The following PBLD variants were observed in gnomAD, a reference collection of about 807,000 sequenced individuals.
PBLD encodes phenazine biosynthesis-like domain-containing protein.
In PBLD, 26 loss-of-function variants were observed where a neutral mutation model predicts 31.3. The ratio of observed to expected loss-of-function variants is 0.83; its 90% CI spans 0.61 to 1.15. The LOEUF (loss-of-function observed/expected upper bound fraction) is 1.15. PBLD is among the 50% of genes most tolerant of loss of function. PBLD has a pLI of 0.00. For synonymous variants in PBLD, 114 were observed against 129.0 expected, an observed-to-expected ratio of 0.88 and a Z score of 0.79; for missense variants, 307 against 351.7, an observed-to-expected ratio of 0.87 and a Z score of 1.02.
At chr10:68,305,876 A>G (rs1435802489) in intron 2 of PBLD, among the ~76,000 whole-genome samples, 1 of 152,206 alleles carries the variant, frequency 6.6e-6, no homozygotes, top group Admixed American at 6.6e-5. Context: ...AGCCAGGTTG[A>G]GATTCACTGT....
chr10:68,305,658 G>A (rs958665037), intron 2 of PBLD, among the ~76,000 whole-genome samples: 3 of 152,064 alleles, frequency 2.0e-5, no homozygotes, highest in Non-Finnish European at 2.9e-5. Flanking sequence ...GGGAGATTAA[G>A]GCAAGAGAAT....
At position 68,292,124 on chromosome 10, in the gene PBLD, C is replaced by G. The variant is rs756394735; in HGVS notation, c.393+5G>C. The G allele has an allele frequency of 6.2e-7, 1 of 1,611,534 alleles. No individual in the cohort carries two copies. The highest frequency in any genetic ancestry group is 2.2e-5 in the East Asian group (1 of 44,852). ...GGCTTAGGGCAATAATTACAAAGAG[C>G]TGACCTGGGGGTGGGCTGGATAAAG... On this transcript the variant is annotated splice_donor_5th_base_variant and intron_variant, in intron 5 of 9. Coordinates refer to ENST00000358769, the MANE Select transcript of PBLD (RefSeq NM_022129.4).
intron 2 of PBLD, among the ~76,000 whole-genome samples, chr10:68,304,340 C>T (rs907340926): frequency 2.6e-5 from 4 of 152,148 alleles, no homozygotes; most frequent in Non-Finnish European, 4.4e-5. Flanking sequence ...TCTGACAGGC[C>T]GTGAAATTTT....
chr10:68,289,553 A>G (rs77221173), intron 6 of PBLD, among the ~76,000 whole-genome samples: 6,259 of 152,098 alleles, frequency 0.041, 200 homozygotes, highest in East Asian at 0.18. Flanking sequence ...CAAAAAAGAA[A>G]AAAAACATAG....
chr10:68,288,700 C>T, intron 7 of PBLD, 39 bp from the exon 8 acceptor site: 1 of 1,594,558 alleles, frequency 6.3e-7, no homozygotes, highest in Non-Finnish European at 8.6e-7. Flanking sequence ...AAACCCATTT[C>T]ACAGCCCACT....
At chr10:68,294,830 C>T (rs767702100) in intron 4 of PBLD, among the ~76,000 whole-genome samples, 8 of 152,306 alleles carry the variant, frequency 5.3e-5, no homozygotes, top group Non-Finnish European at 1.2e-4. Flanking sequence ...CAGGTTCAAG[C>T]GATTCTCCTG....
intron 6 of PBLD, among the ~76,000 whole-genome samples, chr10:68,290,275 G>A (rs928259792): frequency 1.3e-5 from 2 of 152,168 alleles, no homozygotes; most frequent in Non-Finnish European, 2.9e-5. Flanking sequence ...TCTGCCTTGG[G>A]TGGTACTTGG....
At position 68,283,901 on chromosome 10, in the gene PBLD, CA is replaced by C. The variant is rs2044256355; in HGVS notation, c.*275del. ...AGCTGGAATTACAGGCATGTGGCAC[CA>C]CACCCAGCTAATTTTTGTATTTGTA... On this transcript the variant is annotated 3_prime_UTR_variant, in exon 10 of 10. Coordinates refer to ENST00000358769, the MANE Select transcript of PBLD (RefSeq NM_022129.4). 1 of 277,668 alleles carries C rather than the reference CA, an allele frequency of 3.6e-6. No individual in the cohort carries two copies. The highest frequency in any genetic ancestry group is 9.0e-5 in the East Asian group (1 of 11,102). The allele number at this position is 277,668 out of a possible 1,614,324, so 17.2% of individuals were successfully genotyped here.
chr10:68,316,110 G>T (rs752453398), intron 1 of PBLD, among the ~76,000 whole-genome samples: 1 of 152,014 alleles, frequency 6.6e-6, no homozygotes, highest in Non-Finnish European at 1.5e-5. Flanking sequence ...ACCATACAAA[G>T]AATAAAGAGT....
intron 2 of PBLD, among the ~76,000 whole-genome samples, chr10:68,299,413 A>G (rs979626080): frequency 2.0e-5 from 3 of 152,196 alleles, no homozygotes. Context: ...TAATAAATTC[A>G]TAATTCACTT....
At chr10:68,299,969 C>T (rs7903251) in intron 2 of PBLD, among the ~76,000 whole-genome samples, 119,731 of 151,968 alleles carry the variant, frequency 0.79, 47,792 homozygotes, top group Non-Finnish European at 0.86. Context: ...CAGCTCACTG[C>T]GATCTATGCC....
chr10:68,302,864 AT>A (rs144610874), intron 2 of PBLD, among the ~76,000 whole-genome samples: 47,295 of 145,212 alleles, frequency 0.33, 8,833 homozygotes, highest in East Asian at 0.56. Flanking sequence ...AAAAATTAGA[AT>A]TTAAAAAAAA....
intron 1 of PBLD, among the ~76,000 whole-genome samples, chr10:68,316,028 A>G (rs557346129): frequency 1.3e-5 from 2 of 152,320 alleles, no homozygotes. Flanking sequence ...TTCCAGAGGT[A>G]CCACAGTATA....
chr10:68,308,804 A>C (rs2044617266), intron 1 of PBLD, among the ~76,000 whole-genome samples: 1 of 147,392 alleles, frequency 6.8e-6, no homozygotes, highest in Non-Finnish European at 1.5e-5. Flanking sequence ...CCTCCCAAAG[A>C]GCTGGGATTG....
At chr10:68,324,727 G>C (rs2044888736) in intron 1 of PBLD, among the ~76,000 whole-genome samples, 1 of 151,786 alleles carries the variant, frequency 6.6e-6, no homozygotes, top group Non-Finnish European at 1.5e-5. Flanking sequence ...CGATTCTCCT[G>C]CCTCAGCCTC....
intron 6 of PBLD, 38 bp downstream of exon 6, chr10:68,291,972 A>T (rs765901285): frequency 1.1e-4 from 162 of 1,537,262 alleles, no homozygotes; most frequent in Non-Finnish European, 1.4e-4. Flanking sequence ...GCAAACAATA[A>T]CAAATAACTA....
chr10:68,306,827 G>A lies in PBLD; in HGVS notation c.18C>T (p.Phe6=). 1 of 1,608,828 alleles carries A rather than the reference G, an allele frequency of 6.2e-7. No homozygotes were observed. Among genetic ancestry groups the A allele is most frequent in the South Asian group, 1.1e-5 (1 of 90,398 alleles). ...CTCTTGCTGTGAATGCATCTGCTAT[G>A]AAAATAGGAAGCTTCATTTTCCTTG... is the stretch of plus-strand genomic sequence containing the variant. MKLPI[F]IADAFTARAF... is the part of the protein sequence containing the mutation. Residue 6 remains phenylalanine (F), a synonymous_variant, in exon 2 of 10, where the codon TTC becomes TTT. Transcript: ENST00000358769.
chr10:68,300,042 C>A (rs2044484911), intron 2 of PBLD, among the ~76,000 whole-genome samples: 1 of 151,984 alleles, frequency 6.6e-6, no homozygotes, highest in African/African-American at 2.4e-5. Flanking sequence ...AGGTGCAGAC[C>A]ACCATGCCCA....
intron 2 of PBLD, among the ~76,000 whole-genome samples, chr10:68,305,492 G>T (rs536218969): frequency 1.3e-5 from 2 of 152,084 alleles, no homozygotes; most frequent in Non-Finnish European, 2.9e-5. Flanking sequence ...CGGTGCTCAC[G>T]CCTGTAATCC....
Sources: allele counts gnomAD v4.1 joint callset (sites outside exome capture counted in the v4.1 genomes callset), GRCh38; gene constraint gnomAD v4.1.1; transcripts MANE v1.5; gene names NCBI Gene and HGNC (gene_info 2026-07-23, HGNC 2026-07-21).